Variants in KMT2B observed in about 807,000 individuals in gnomAD.
KMT2B encodes the protein histone-lysine N-methyltransferase 2B.
A neutral mutation model predicts 255.3 loss-of-function variants in KMT2B; 22 were observed. That is an observed-to-expected ratio of 0.09 (90% CI 0.06 to 0.12). The LOEUF is 0.12. KMT2B is among the 10% of genes least tolerant of loss of function. The pLI, the probability that KMT2B is intolerant of heterozygous loss-of-function variation, is 1.00. For synonymous variants in KMT2B, 1,730 were observed against 1,498.1 expected (o/e 1.15, Z -3.57); for missense variants, 3,149 against 3,737.0 (o/e 0.84, Z 4.10).
rs576920722 is a variant in KMT2B, at chr19:35,738,784, G to T, written c.*227G>T. 1.7e-6 allele frequency: 1 copy of T among 577,688 alleles called. No individual in the cohort carries two copies. Among genetic ancestry groups the T allele is most frequent in the Non-Finnish European group, 3.0e-6 (1 of 330,000 alleles). 35.8% of individuals were successfully genotyped at this position (577,688 alleles called of 1,614,324 possible). ...GCCCAGGATGTAGATATTGTACAAAGGTTTCTAAATCCCTTCTTTTCTATG... is the reference window on the plus strand; with the variant it reads ...GCCCAGGATGTAGATATTGTACAAATGTTTCTAAATCCCTTCTTTTCTATG... On this transcript the variant is annotated 3_prime_UTR_variant, in exon 37 of 37. Transcript: ENST00000420124. The surrounding 1 kb of genome is among the most constrained non-coding windows in gnomAD (Gnocchi z 8.7).
Position 35,722,350 on chromosome 19 carries a change from C to T in KMT2B, c.2458-9C>T, listed in dbSNP as rs764158658. ...TGTCCAGCCCCTGACCCTGTTTATTCCCTGCCAGCTGAGCCCTGGAGGGCA... is the reference window on the plus strand; with the variant it reads ...TGTCCAGCCCCTGACCCTGTTTATTTCCTGCCAGCTGAGCCCTGGAGGGCA... On this transcript the variant is annotated splice_polypyrimidine_tract_variant and intron_variant, in intron 3 of 36. Coordinates refer to ENST00000420124, the MANE Select transcript of KMT2B (RefSeq NM_014727.3). 1.3e-5 allele frequency: 21 copies of T among 1,602,414 alleles called. No individual in the cohort carries two copies. Among genetic ancestry groups the T allele is most frequent in the Non-Finnish European group, 1.6e-5 (19 of 1,176,930 alleles).
At position 35,737,529 on chromosome 19, in the gene KMT2B, TA is replaced by T. The variant is rs1271556178; in HGVS notation, c.7551-101del. 3.5e-6 allele frequency: 3 copies of T among 865,042 alleles called. No individual in the cohort carries two copies. Among genetic ancestry groups the T allele is most frequent in the African/African-American group, 1.7e-5 (1 of 58,560 alleles). 53.6% of individuals were successfully genotyped at this position (865,042 alleles called of 1,614,324 possible). ...AAACCCCATCTCTAAAATAAAAATT[TA>T]AAAAAGTTATTTCTAGAGCTGACAT... On this transcript the variant is annotated intron_variant, in intron 33 of 36. Coordinates refer to ENST00000420124, the MANE Select transcript of KMT2B (RefSeq NM_014727.3). This position sits in a 1 kb window ranked among gnomAD's most constrained non-coding sequence, Gnocchi z 5.3.
intron 14 of KMT2B, among the ~76,000 whole-genome samples, chr19:35,726,560 A>G (rs759141793): frequency 1.3e-4 from 20 of 152,096 alleles, no homozygotes; most frequent in Non-Finnish European, 2.2e-4. Flanking sequence ...GTGGGAGTGG[A>G]AGGCCTGGGA....
Position 35,733,122 on chromosome 19 carries a change from C to T in KMT2B, c.6573C>T (p.Ile2191=). 6.3e-7 allele frequency: 1 copy of T among 1,590,710 alleles called. No homozygotes were observed. The highest frequency in any genetic ancestry group is 8.6e-7 in the Non-Finnish European group (1 of 1,168,348). The stretch of plus-strand genomic sequence containing the variant: ...CCCCCAAACCCGCCACATCCAAAAT[C>T]ATACTTGTCAACAAGCTGGGGCAAG... ...PEPPKPATSK[I]ILVNKLGQVF... The change falls in exon 28 of 37, where the codon ATC becomes ATT. Residue 2191 remains isoleucine (I), a synonymous_variant. Transcript: ENST00000420124. This position sits in a 1 kb window ranked among gnomAD's most constrained non-coding sequence, Gnocchi z 4.3.
At position 35,733,924 on chromosome 19, in the gene KMT2B, G is replaced by A; in HGVS notation, c.7159+52G>A. On this transcript the variant is annotated intron_variant, in intron 30 of 36. Transcript: ENST00000420124. The surrounding 1 kb of genome is among the most constrained non-coding windows in gnomAD (Gnocchi z 4.3). ...CCTTGCCTGTGCCTGGCTCAGCTGGGTGACTCACAGATGCAAAATCAGCCC... is the reference window on the plus strand; with the variant it reads ...CCTTGCCTGTGCCTGGCTCAGCTGGATGACTCACAGATGCAAAATCAGCCC... 1 of 1,338,214 alleles carries A rather than the reference G, an allele frequency of 7.5e-7. No homozygotes were observed. The highest frequency in any genetic ancestry group is 1.2e-5 in the South Asian group (1 of 81,476). The allele number at this position is 1,338,214 out of a possible 1,614,324, so 82.9% of individuals were successfully genotyped here. A position where few individuals can be genotyped will look rare whatever the true frequency, so the allele number is the denominator to read the frequency against.
rs1225506438 is a variant in KMT2B at position 35,718,851 on chromosome 19, G to A, written c.363+470G>A. On this transcript the variant is annotated intron_variant, in intron 1 of 36. Transcript: ENST00000420124. This position sits in a 1 kb window ranked among gnomAD's most constrained non-coding sequence, Gnocchi z 5.0. ...GGCATCTCAGGTAGAGTGGTGGAGG[G>A]CTTCCTCTTGGGGCTCGGGTTGAAC... 6.6e-6 allele frequency among the ~76,000 whole-genome samples: 1 copy of A among 152,198 alleles called. No individual in the cohort carries two copies. Among genetic ancestry groups the A allele is most frequent in the Non-Finnish European group, 1.5e-5 (1 of 68,042 alleles).
At position 35,721,055 on chromosome 19, in the gene KMT2B, TC is replaced by T; in HGVS notation, c.1712del (p.Pro571HisfsTer34). On this transcript the variant is annotated frameshift_variant, in exon 3 of 37. Transcript: ENST00000420124. LOFTEE classifies it high-confidence loss of function. ...TGTCCTGCGACCTCCCATTACCACC[TC>T]CCCACCTGTTCCCCAGGAGCCAGCA... Reference protein sequence around the residue: ...SPVLRPPITTSPPVPQEPAPV... With the variant: ...SPVLRPPITTXPPVPQEPAPV... The T allele has an allele frequency of 6.3e-7, 1 of 1,579,906 alleles. No individual in the cohort carries two copies.
In KMT2B at chr19:35,737,529, TAAA is replaced by T; in HGVS notation, c.7551-103_7551-101del. 2.3e-6 allele frequency: 2 copies of T among 865,164 alleles called. No homozygotes were observed. Among genetic ancestry groups the T allele is most frequent in the Non-Finnish European group, 1.8e-6 (1 of 570,244 alleles). 53.6% of individuals were successfully genotyped at this position (865,164 alleles called of 1,614,324 possible). ...AAACCCCATCTCTAAAATAAAAATTTAAAAAAGTTATTTCTAGAGCTGACATCA... is the reference window on the plus strand; with the variant it reads ...AAACCCCATCTCTAAAATAAAAATTTAAAGTTATTTCTAGAGCTGACATCA... On this transcript the variant is annotated intron_variant, in intron 33 of 36. Coordinates refer to ENST00000420124, the MANE Select transcript of KMT2B (RefSeq NM_014727.3). The surrounding 1 kb of genome is among the most constrained non-coding windows in gnomAD (Gnocchi z 5.3).
Position 35,738,134 on chromosome 19 carries a change from T to A in KMT2B, c.7815T>A (p.Ser2605=), listed in dbSNP as rs768731713. 5 of 1,613,736 alleles carry A rather than the reference T, an allele frequency of 3.1e-6. No homozygotes were observed. The African/African-American group carries it at 6.7e-5, about 22-fold the overall frequency. ...CGGGGGAGATGGTCATCGAGTACTC[T>A]GGCATTGTCATCCGCTCGGTGTTGA... ...IDAGEMVIEY[S]GIVIRSVLTD... The change falls in exon 36 of 37, where the codon TCT becomes TCA. Residue 2605 remains serine, a synonymous_variant. Transcript: ENST00000420124. The surrounding 1 kb of genome is among the most constrained non-coding windows in gnomAD (Gnocchi z 8.7).
chr19:35,723,949 G>C lies in KMT2B; in HGVS notation c.3276G>C (p.Ser1092=). 6.2e-7 allele frequency: 1 copy of C among 1,611,692 alleles called. No individual in the cohort carries two copies. The highest frequency in any genetic ancestry group is 1.3e-5 in the African/African-American group (1 of 75,028). The change falls in exon 8 of 37, where the codon TCG becomes TCC. Residue 1092 remains serine, a synonymous_variant. Coordinates refer to ENST00000420124, the MANE Select transcript of KMT2B (RefSeq NM_014727.3). The surrounding 1 kb of genome is among the most constrained non-coding windows in gnomAD (Gnocchi z 7.5). ...CCTCCTATGATATCTTCGAGGATTCGGATGACTCGGAGCCCGGGGGCCCCC... is the reference window on the plus strand; with the variant it reads ...CCTCCTATGATATCTTCGAGGATTCCGATGACTCGGAGCCCGGGGGCCCCC... ...QRPSYDIFED[S]DDSEPGGPPA... is the part of the protein sequence containing the mutation.
chr19:35,736,746 G>A lies in KMT2B; in HGVS notation c.7216G>A (p.Ala2406Thr). ...ATCCCCAGATGATAAAGAGAACCAGGCCCCAAAACGGACTGGCCCACATCT... is the reference window on the plus strand; with the variant it reads ...ATCCCCAGATGATAAAGAGAACCAGACCCCAAAACGGACTGGCCCACATCT... ...PPSPDDKENQ[A>T]PKRTGPHLRF... is the part of the protein sequence containing the mutation. Residue 2406 changes from alanine to threonine, a missense_variant, in exon 31 of 37, where the codon GCC becomes ACC. By Grantham distance (58) the Ala-to-Thr change is moderately conservative. This residue lies in a region of KMT2B where 897 missense variants were observed against 825.3 expected (regional missense o/e 1.09). Coordinates refer to ENST00000420124, the MANE Select transcript of KMT2B (RefSeq NM_014727.3). 1.2e-6 allele frequency: 2 copies of A among 1,613,950 alleles called. No homozygotes were observed. Among genetic ancestry groups the A allele is most frequent in the Non-Finnish European group, 1.7e-6 (2 of 1,179,872 alleles).
chr19:35,725,248 T>G lies in KMT2B; in HGVS notation c.3557T>G (p.Leu1186Arg), dbSNP rs1027540901. ...KEDCDLENVW[L>R]MGGLSVLTSV... ...GATTGTGATTTAGAGAACGTGTGGC[T>G]GATGGGGGGCCTGAGTGTGCTCACC... Residue 1186 changes from leucine (L) to arginine (R), a missense_variant, in exon 11 of 37, where the codon CTG becomes CGG. Physicochemically the swap from Leu to Arg is moderately radical, Grantham distance 102. Coordinates refer to ENST00000420124, the MANE Select transcript of KMT2B (RefSeq NM_014727.3). This position sits in a 1 kb window ranked among gnomAD's most constrained non-coding sequence, Gnocchi z 4.1. 1 of 1,610,608 alleles carries G rather than the reference T, an allele frequency of 6.2e-7. No individual in the cohort carries two copies. The highest frequency in any genetic ancestry group is 1.3e-5 in the African/African-American group (1 of 74,816).
intron 23 of KMT2B, 107 bp from the exon 24 acceptor site, chr19:35,730,235 T>C (rs1040310182): frequency 4.4e-6 from 7 of 1,596,000 alleles, no homozygotes; most frequent in Middle Eastern, 1.7e-4. Flanking sequence ...TGTCTCCTCA[T>C]CTGTTTTCCC....
chr19:35,729,183 G>A lies in KMT2B; in HGVS notation c.4804G>A (p.Gly1602Arg), dbSNP rs772150590. Residue 1602 changes from glycine to arginine, a missense_variant, in exon 22 of 37, where the codon GGG (glycine) becomes AGG (arginine). By Grantham distance (125) the Gly-to-Arg change is moderately radical. Transcript: ENST00000420124. The part of the protein sequence containing the change: ...SKEAGRLLYI[G>R]QNEWTHVNCA... ...GGAGGCGGGGCGGCTCTTGTACATC[G>A]GGCAGAACGAGTGGACACACGTCAA... 7 of 1,613,084 alleles carry A rather than the reference G, an allele frequency of 4.3e-6. No homozygotes were observed. Among genetic ancestry groups the A allele is most frequent in the Non-Finnish European group, 5.9e-6 (7 of 1,179,542 alleles).
At chr19:35,722,527 G>A in intron 4 of KMT2B, 41 bp from the exon 5 acceptor site, 1 of 1,592,736 alleles carries the variant, frequency 6.3e-7, no homozygotes, top group Non-Finnish European at 8.5e-7. Flanking sequence ...TGGGGCTGCG[G>A]GAGCGCAAGC....
At chr19:35,728,017 G>C in intron 18 of KMT2B, 32 bp downstream of exon 18, 2 of 1,547,538 alleles carry the variant, frequency 1.3e-6, no homozygotes, top group East Asian at 4.8e-5. Flanking sequence ...TGTGGGGTGG[G>C]GGAGTGGGAC....
rs1286232838 is a variant in KMT2B, at chr19:35,730,791, G to T, written c.5361G>T (p.Gly1787=). The T allele has an allele frequency of 6.2e-7, 1 of 1,613,770 alleles. No individual in the cohort carries two copies. The highest frequency in any genetic ancestry group is 1.1e-5 in the South Asian group (1 of 91,086). ...RCRILEYRPW[G]PREEPAHLEA... is the part of the protein sequence containing the mutation. ...GAATTCTGGAGTATCGGCCATGGGG[G>T]CCGAGGGAAGAGCCAGCTCACCTGG... The change falls in exon 26 of 37, where the codon GGG becomes GGT. Residue 1787 remains glycine, a synonymous_variant. Coordinates refer to ENST00000420124, the MANE Select transcript of KMT2B (RefSeq NM_014727.3).
In KMT2B at chr19:35,723,358, C is replaced by T; in HGVS notation, c.3002+84C>T. ...TCACTCCTCTTCTGCCTGGCCAGAGCAGTGGGGTTGGCATTCTTGTGGAGA... is the reference window on the plus strand; with the variant it reads ...TCACTCCTCTTCTGCCTGGCCAGAGTAGTGGGGTTGGCATTCTTGTGGAGA... On this transcript the variant is annotated intron_variant, in intron 6 of 36. Transcript: ENST00000420124. This position sits in a 1 kb window ranked among gnomAD's most constrained non-coding sequence, Gnocchi z 7.5. The T allele has an allele frequency of 2.6e-6, 4 of 1,550,768 alleles. No homozygotes were observed. In the South Asian group the frequency reaches 4.8e-5, roughly 19 times the overall value.
In KMT2B at chr19:35,719,915, G is replaced by A. The variant is rs756736566; in HGVS notation, c.568G>A (p.Val190Met). 1.2e-6 allele frequency: 2 copies of A among 1,613,494 alleles called. No homozygotes were observed. The highest frequency in any genetic ancestry group is 1.3e-5 in the African/African-American group (1 of 75,018). Residue 190 changes from valine (V) to methionine (M), a missense_variant, in exon 3 of 37, where the codon GTG (valine) becomes ATG (methionine). Val to Met is a conservative substitution (Grantham distance 21). Around this residue, in one of 18 missense-constraint regions of KMT2B, gnomAD observed 1,188 missense variants for 1,106.4 expected, o/e 1.07. Transcript: ENST00000420124. ...GGGTGAGGAAGGCACAGAACGGATG[G>A]TGCAGGCACTGACTGAACTTCTCCG... ...KRGEEGTERM[V>M]QALTELLRRA...
Sources: allele counts gnomAD v4.1 joint callset (sites outside exome capture counted in the v4.1 genomes callset), GRCh38; gene constraint gnomAD v4.1.1; regional missense constraint gnomAD v4.1.1; non-coding constraint Gnocchi (gnomAD v3.1); transcripts MANE v1.5; gene names NCBI Gene and HGNC (gene_info 2026-07-23, HGNC 2026-07-21).